Variants in HSD17B11 observed in about 807,000 individuals in gnomAD.
HSD17B11 encodes hydroxysteroid 17-beta dehydrogenase 11, also known as estradiol 17-beta-dehydrogenase 11.
A neutral mutation model predicts 27.8 loss-of-function variants in HSD17B11; 22 were observed. The ratio of observed to expected loss-of-function variants is 0.79; its 90% confidence interval spans 0.56 to 1.13. The LOEUF is 1.13. HSD17B11 is among the 50% of genes most tolerant of loss of function. The pLI is 0.00. For missense variants in HSD17B11, 314 were observed against 351.1 expected (o/e 0.89, Z 0.84); for synonymous variants, 117 against 132.8 (o/e 0.88, Z 0.82).
intron 2 of HSD17B11, among the ~76,000 whole-genome samples, chr4:87,378,871 T>TATATATAA (rs1720014413): frequency 2.7e-4 from 7 of 26,174 alleles, no homozygotes; most frequent in East Asian, 1.1e-3. Context: ...TATATAAATA[T>TATATATAA]ATATATATAA....
chr4:87,352,874 A>G (rs1214462212), intron 5 of HSD17B11, among the ~76,000 whole-genome samples: 1 of 62,142 alleles, frequency 1.6e-5, no homozygotes, highest in Non-Finnish European at 3.0e-5. Flanking sequence ...GGTGGGAGTG[A>G]CCCGATTTTC....
intron 4 of HSD17B11, among the ~76,000 whole-genome samples, chr4:87,365,296 G>A (rs986038141): frequency 6.6e-6 from 1 of 152,146 alleles, no homozygotes; most frequent in Non-Finnish European, 1.5e-5. Flanking sequence ...TATTTTTTCA[G>A]AAAAATAGAA....
intron 4 of HSD17B11, among the ~76,000 whole-genome samples, chr4:87,360,940 T>C (rs933361382): frequency 5.9e-5 from 9 of 152,238 alleles, no homozygotes; most frequent in Admixed American, 2.0e-4. Flanking sequence ...CAAAATTATA[T>C]ATTTTTTCAA....
intron 3 of HSD17B11, 30 bp from the exon 4 acceptor site, chr4:87,372,845 A>C (rs761317660): frequency 7.4e-7 from 1 of 1,357,956 alleles, no homozygotes. Flanking sequence ...AAAGAGAAAA[A>C]ATACTGTATT....
chr4:87,388,166 C>CAAAAAA (rs67885339), intron 1 of HSD17B11, among the ~76,000 whole-genome samples: 2 of 137,468 alleles, frequency 1.5e-5, no homozygotes, highest in Non-Finnish European at 3.2e-5. Context: ...GTAGTCACAC[C>CAAAAAA]AAAAAAAAAA....
At position 87,357,948 on chromosome 4, in the gene HSD17B11, A is replaced by ATTTTTTTTTTTTTTTTTTTTTTTTTTTTT. The variant is rs748955521; in HGVS notation, c.558-533_558-532insAAAAAAAAAAAAAAAAAAAAAAAAAAAAA. Among the ~76,000 whole-genome samples, 4 of 97,314 alleles carry ATTTTTTTTTTTTTTTTTTTTTTTTTTTTT rather than the reference A, an allele frequency of 4.1e-5. 1 individual carries two copies. The highest frequency in any genetic ancestry group is 3.1e-4 in the South Asian group (1 of 3,234). The allele number at this position is 97,314 out of a possible 152,430, so 63.8% of individuals were successfully genotyped here. A position where few individuals can be genotyped will look rare whatever the true frequency, so the allele number is the denominator to read the frequency against. On this transcript the variant is annotated intron_variant, in intron 4 of 6. Transcript: ENST00000358290. ...TTTGTAACTGAACATTCATTAGAGA[A>ATTTTTTTTTTTTTTTTTTTTTTTTTTTTT]ATTTTTTTTTTTTTTTTTTTTTTTT...
chr4:87,373,769 T>C (rs1735767091), intron 3 of HSD17B11, among the ~76,000 whole-genome samples: 2 of 151,882 alleles, frequency 1.3e-5, no homozygotes, highest in Admixed American at 1.3e-4. Flanking sequence ...CATAAAGATA[T>C]ATGTCAATAA....
intron 5 of HSD17B11, among the ~76,000 whole-genome samples, chr4:87,343,244 A>C (rs182524805): frequency 6.6e-6 from 1 of 152,364 alleles, no homozygotes; most frequent in African/African-American, 2.4e-5. Context: ...GCTTTCAGAA[A>C]AAACTCAATT....
intron 4 of HSD17B11, 75 bp from the exon 5 acceptor site, chr4:87,357,491 C>G: frequency 7.2e-7 from 1 of 1,389,150 alleles, no homozygotes; most frequent in South Asian, 1.4e-5. Flanking sequence ...CAGCATGGTC[C>G]TCTGCAGAGC....
At position 87,340,485 on chromosome 4, in the gene HSD17B11, C is replaced by T; in HGVS notation, c.812+5G>A. On this transcript the variant is annotated splice_donor_5th_base_variant and intron_variant, in intron 6 of 6. Coordinates refer to ENST00000358290, the MANE Select transcript of HSD17B11 (RefSeq NM_016245.5). ...CATTTCTAAGGTTTCTTAACTGTCA[C>T]TTACCTTTCCAATGTTGTTAAAAAA... The T allele has an allele frequency of 1.3e-6, 2 of 1,558,290 alleles. No homozygotes were observed. Among genetic ancestry groups the T allele is most frequent in the Non-Finnish European group, 1.8e-6 (2 of 1,138,364 alleles).
chr4:87,379,711 T>C (rs1164873621), intron 2 of HSD17B11, among the ~76,000 whole-genome samples: 1 of 144,496 alleles, frequency 6.9e-6, no homozygotes, highest in Non-Finnish European at 1.5e-5. Context: ...ATTATATTAG[T>C]ATATAATAAT....
chr4:87,377,663 T>C (rs1366789474), intron 2 of HSD17B11, among the ~76,000 whole-genome samples: 1 of 152,110 alleles, frequency 6.6e-6, no homozygotes, highest in Admixed American at 6.6e-5. Context: ...TTATATGAGA[T>C]TTTTATGGTT....
intron 4 of HSD17B11, among the ~76,000 whole-genome samples, chr4:87,370,605 G>A (rs1310970425): frequency 2.6e-5 from 4 of 151,006 alleles, no homozygotes; most frequent in African/African-American, 7.3e-5. Flanking sequence ...TTTTAGTAGA[G>A]ACAGGGTTTC....
intron 6 of HSD17B11, among the ~76,000 whole-genome samples, chr4:87,339,296 C>A (rs911323285): frequency 1.3e-5 from 2 of 152,200 alleles, no homozygotes; most frequent in African/African-American, 4.8e-5. Flanking sequence ...AAGGCATGTT[C>A]ATCATAGTTT....
chr4:87,342,381 CAAAAA>C (rs543558458), intron 5 of HSD17B11, among the ~76,000 whole-genome samples: 5 of 74,334 alleles, frequency 6.7e-5, no homozygotes, highest in African/African-American at 7.2e-5. Flanking sequence ...AACTTCGCTG[CAAAAA>C]AAAAAAAAAA....
chr4:87,344,501 A>G (rs2110113448), intron 5 of HSD17B11, among the ~76,000 whole-genome samples: 1 of 152,370 alleles, frequency 6.6e-6, no homozygotes. Context: ...TACATGAAGC[A>G]AAACCTGTCA....
chr4:87,387,806 TAAAA>T (rs1348276147), intron 1 of HSD17B11, among the ~76,000 whole-genome samples: 2 of 152,334 alleles, frequency 1.3e-5, no homozygotes, highest in South Asian at 2.1e-4. Context: ...TTTAACCTAA[TAAAA>T]ACTCACTACA....
chr4:87,361,119 A>T (rs1346115388), intron 4 of HSD17B11, among the ~76,000 whole-genome samples: 1 of 152,192 alleles, frequency 6.6e-6, no homozygotes, highest in East Asian at 1.9e-4. Context: ...AGGCATTCTA[A>T]GTCATAAGAT....
chr4:87,378,865 T>A (rs1476335666), intron 2 of HSD17B11, among the ~76,000 whole-genome samples: 1 of 24,610 alleles, frequency 4.1e-5, no homozygotes, highest in Non-Finnish European at 7.0e-5. Context: ...TAAATATATA[T>A]AAATATATAT....
Sources: allele counts gnomAD v4.1 joint callset (sites outside exome capture counted in the v4.1 genomes callset), GRCh38; gene constraint gnomAD v4.1.1; transcripts MANE v1.5; gene names NCBI Gene and HGNC (gene_info 2026-07-23, HGNC 2026-07-21).